The following SETD2 variants were observed in gnomAD, a reference collection of about 807,000 sequenced individuals.
SETD2 encodes histone-lysine N-methyltransferase SETD2.
SETD2 carries 31 observed loss-of-function variants against 242.1 expected under a neutral mutation model. The ratio of observed to expected loss-of-function variants is 0.13; its 90% CI spans 0.10 to 0.17. SETD2 has a LOEUF of 0.17. SETD2 is among the 10% of genes least tolerant of loss of function. The probability of loss-of-function intolerance (pLI) is 1.00; values close to 1 mark genes in which losing one functional copy is unlikely to be tolerated. For synonymous variants in SETD2, 1,006 were observed against 1,066.5 expected (o/e 0.94, Z 1.11); for missense variants, 2,481 against 3,046.3 (o/e 0.81, Z 4.37).
At chr3:47,046,643 T>A (rs2107549973) in intron 15 of SETD2, 22 bp from the exon 16 acceptor site, 1 of 1,598,100 alleles carries the variant, frequency 6.3e-7, no homozygotes, top group Non-Finnish European at 8.5e-7. Flanking sequence ...AATGAAGAAA[T>A]CAATAATTTA....
intron 1 of SETD2, among the ~76,000 whole-genome samples, chr3:47,157,219 C>T (rs138798752): frequency 1.8e-4 from 28 of 151,694 alleles, no homozygotes; most frequent in African/African-American, 5.8e-4. Context: ...GCCATCATCG[C>T]GCCACTGCAC....
chr3:47,121,191 T>C lies in SETD2; in HGVS notation c.3445A>G (p.Ser1149Gly). 6.2e-7 allele frequency: 1 copy of C among 1,614,048 alleles called. No individual in the cohort carries two copies. The highest frequency in any genetic ancestry group is 8.5e-7 in the Non-Finnish European group (1 of 1,179,912). The change falls in exon 3 of 21, where the codon AGT (serine) becomes GGT (glycine). Residue 1149 changes from serine (S) to glycine (G), a missense_variant. Transcript: ENST00000409792. The stretch of plus-strand genomic sequence containing the variant: ...AGGCGATTATCTATTTGTTTTCTAC[T>C]GGACTGTGTAAAAGAAATTTCCGGA... The part of the protein sequence containing the change: ...KNPEISFTQS[S>G]RKQIDNRLPE...
Position 47,073,150 on chromosome 3 carries a change from CAA to C in SETD2, c.6061-6034_6061-6033del, listed in dbSNP as rs10712927. On this transcript the variant is annotated intron_variant, in intron 12 of 20. Coordinates refer to ENST00000409792, the MANE Select transcript of SETD2 (RefSeq NM_014159.7). ...TGGGTAACAGAGTGACATTCCATCT[CAA>C]AAAAAAAAAAAAATACTGTGAGTAA... Among the ~76,000 whole-genome samples the C allele has an allele frequency of 5.5e-3, 716 of 130,396 alleles. 3 individuals carry two copies. The highest frequency in any genetic ancestry group is 0.016 in the African/African-American group (551 of 35,494). The allele number at this position is 130,396 out of a possible 152,430, so 85.5% of individuals were successfully genotyped here.
At chr3:47,078,212 A>ACTGGAAAAG (rs1168270129) in intron 12 of SETD2, among the ~76,000 whole-genome samples, 1 of 152,208 alleles carries the variant, frequency 6.6e-6, no homozygotes, top group Non-Finnish European at 1.5e-5. Context: ...GTAACTTTAC[A>ACTGGAAAAG]CTGGAAAAGT....
chr3:47,017,722 G>C lies in SETD2; in HGVS notation c.7449C>G (p.Val2483=), dbSNP rs2107488413. Reference sequence around the variant, plus strand: ...GTTTCCGGTAAGGGTTCAGGCACTGGACGATGAACTGGGACATCTGCAGGC... The same window carrying C: ...GTTTCCGGTAAGGGTTCAGGCACTGCACGATGAACTGGGACATCTGCAGGC... ...VFRKEMSQFI[V]QCLNPYRKPD... The change falls in exon 20 of 21, where the codon GTC becomes GTG. Residue 2483 remains valine, a synonymous_variant. Transcript: ENST00000409792. This position sits in a 1 kb window ranked among gnomAD's most constrained non-coding sequence, Gnocchi z 4.8. The C allele has an allele frequency of 6.2e-7, 1 of 1,613,468 alleles. No individual in the cohort carries two copies. The highest frequency in any genetic ancestry group is 8.5e-7 in the Non-Finnish European group (1 of 1,179,420).
intron 11 of SETD2, among the ~76,000 whole-genome samples, chr3:47,085,535 G>T (rs2041517149): frequency 6.6e-6 from 1 of 152,122 alleles, no homozygotes; most frequent in African/African-American, 2.4e-5. Flanking sequence ...AAACCCCAAG[G>T]CTTCCTCAAT....
chr3:47,082,902 G>T (rs1412718558), intron 12 of SETD2, among the ~76,000 whole-genome samples: 9 of 152,192 alleles, frequency 5.9e-5, no homozygotes, highest in Admixed American at 5.9e-4. Flanking sequence ...AGGATTGCTG[G>T]TTTATTTGGT....
At chr3:47,144,482 C>G (rs978898947) in intron 1 of SETD2, among the ~76,000 whole-genome samples, 7 of 151,892 alleles carry the variant, frequency 4.6e-5, no homozygotes, top group Admixed American at 2.0e-4. Flanking sequence ...GCTAAAAATA[C>G]AAAAATTAGC....
intron 18 of SETD2, among the ~76,000 whole-genome samples, chr3:47,025,860 A>G (rs1435405452): frequency 6.6e-6 from 1 of 152,216 alleles, no homozygotes; most frequent in Non-Finnish European, 1.5e-5. Flanking sequence ...GCCTAGAAGA[A>G]AACCTAGGCA....
chr3:47,048,127 C>CA (rs2039613905), intron 15 of SETD2, among the ~76,000 whole-genome samples: 1 of 152,308 alleles, frequency 6.6e-6, no homozygotes, highest in African/African-American at 2.4e-5. Flanking sequence ...CGGTGGCTCA[C>CA]ACCTGCAACC....
At position 47,163,886 on chromosome 3, in the gene SETD2, C is replaced by A. The variant is rs995684824; in HGVS notation, c.39G>T (p.Gly13=). The change falls in exon 1 of 21, where the codon GGG becomes GGT. Residue 13 remains glycine (G), a synonymous_variant. Transcript: ENST00000409792. ...TCGGGTGCTCCGGGTCGTAGAAATC[C>A]CCCATCTTCGGAGGCGGCTGCGGCT... ...QLQPQPPPKM[G]DFYDPEHPTP... is the part of the protein sequence containing the mutation. 7.6e-7 allele frequency: 1 copy of A among 1,319,388 alleles called. No individual in the cohort carries two copies. The highest frequency in any genetic ancestry group is 9.7e-7 in the Non-Finnish European group (1 of 1,028,242). 81.7% of individuals were successfully genotyped at this position (1,319,388 alleles called of 1,614,324 possible). A position where few individuals can be genotyped will look rare whatever the true frequency, so the allele number is the denominator to read the frequency against.
intron 7 of SETD2, 103 bp downstream of exon 7, chr3:47,103,243 G>A: frequency 5.6e-6 from 4 of 720,644 alleles, no homozygotes; most frequent in Non-Finnish European, 7.4e-6. Context: ...TAGGAAAAAG[G>A]GACTAAAAAA....
At chr3:47,164,250 A>G (rs985038663), upstream of SETD2, among the ~76,000 whole-genome samples, 5 of 151,926 alleles carry the variant, frequency 3.3e-5, no homozygotes, top group African/African-American at 7.3e-5. The surrounding 1 kb of genome is among the most constrained non-coding windows in gnomAD (Gnocchi z 5.4). Context: ...GCTTGACCCC[A>G]GGCCGGGACG....
intron 9 of SETD2, among the ~76,000 whole-genome samples, chr3:47,092,560 A>G (rs1363607360): frequency 6.7e-6 from 1 of 149,590 alleles, no homozygotes; most frequent in Non-Finnish European, 1.5e-5. Context: ...TAGATAGTAT[A>G]TATTTACTAT....
rs773040363 is a variant in SETD2 at position 47,123,041 on chromosome 3, GAAC to G, written c.1592_1594del (p.Cys531del). On this transcript the variant is annotated inframe_deletion, in exon 3 of 21. Coordinates refer to ENST00000409792, the MANE Select transcript of SETD2 (RefSeq NM_014159.7). The stretch of plus-strand genomic sequence containing the variant: ...TCGGAATCCCAGTTCATTAGGGGGA[GAAC>G]AACATCTTTTAATTGCTTCATTTTC... The G allele has an allele frequency of 4.8e-5, 77 of 1,613,958 alleles. No individual in the cohort carries two copies. Among genetic ancestry groups the G allele is most frequent in the Non-Finnish European group, 6.4e-5 (75 of 1,179,972 alleles).
chr3:47,061,326 CAGAAT>C (rs2040322798), intron 14 of SETD2, among the ~76,000 whole-genome samples: 1 of 152,166 alleles, frequency 6.6e-6, no homozygotes, highest in Non-Finnish European at 1.5e-5. Context: ...ACCAACAGAA[CAGAAT>C]AGAGAATGCA....
intron 9 of SETD2, among the ~76,000 whole-genome samples, chr3:47,096,926 CTTT>C (rs976750341): frequency 6.6e-6 from 1 of 151,996 alleles, no homozygotes; most frequent in Non-Finnish European, 1.5e-5. Context: ...CTTTCCAATG[CTTT>C]TTTTAACTTT....
At chr3:47,068,241 G>T (rs1268858404) in intron 12 of SETD2, among the ~76,000 whole-genome samples, 1 of 152,092 alleles carries the variant, frequency 6.6e-6, no homozygotes, top group East Asian at 1.9e-4. Context: ...CACAATTGTT[G>T]CTTCTCACAA....
At chr3:47,104,575 A>G (rs1265628810) in intron 6 of SETD2, among the ~76,000 whole-genome samples, 5 of 152,132 alleles carry the variant, frequency 3.3e-5, no homozygotes, top group Non-Finnish European at 5.9e-5. Context: ...ATACCATGTT[A>G]TTTTTATCAA....
Sources: gnomAD v4.1 joint callset for allele counts (sites outside exome capture counted in the v4.1 genomes callset) on GRCh38, gnomAD v4.1.1 for gene constraint, Gnocchi (gnomAD v3.1) non-coding constraint, MANE v1.5 for transcripts, NCBI Gene and HGNC (gene_info 2026-07-23, HGNC 2026-07-21) for gene names.